The following SH3RF1 variants were observed in gnomAD, a reference collection of about 807,000 sequenced individuals.
SH3RF1 encodes the protein E3 ubiquitin-protein ligase SH3RF1.
A neutral mutation model predicts 74.0 loss-of-function variants in SH3RF1; 32 were observed. The ratio of observed to expected loss-of-function variants is 0.43; its 90% confidence interval spans 0.33 to 0.58. The LOEUF is 0.58. SH3RF1 is among the 20% of genes least tolerant of loss of function. The pLI, the probability that SH3RF1 is intolerant of heterozygous loss-of-function variation, is 0.05. For missense variants in SH3RF1, 954 were observed against 1,130.9 expected (o/e 0.84, Z 2.24); for synonymous variants, 396 against 439.6 (o/e 0.90, Z 1.24).
Position 169,116,544 on chromosome 4 carries a change from C to T in SH3RF1, c.1864G>A (p.Gly622Ser). 6.2e-7 allele frequency: 1 copy of T among 1,611,518 alleles called. No homozygotes were observed. Among genetic ancestry groups the T allele is most frequent in the Non-Finnish European group, 8.5e-7 (1 of 1,178,708 alleles). Residue 622 changes from glycine to serine, a missense_variant, in exon 10 of 12, where the codon GGC becomes AGC. Gly to Ser is a moderately conservative substitution (Grantham distance 56). Around this residue, in one of 3 missense-constraint regions of SH3RF1, gnomAD observed 854 missense variants for 962.5 expected, o/e 0.89. Coordinates refer to ENST00000284637, the MANE Select transcript of SH3RF1 (RefSeq NM_020870.4). ...NAAGLSPASV[G>S]LSHHSLASPQ... is the part of the protein sequence containing the mutation. ...GAGGCCAGCGAGTGATGGGACAGGCCCACAGATGCAGGGCTGAGGCCGGCG... is the reference window on the plus strand; with the variant it reads ...GAGGCCAGCGAGTGATGGGACAGGCTCACAGATGCAGGGCTGAGGCCGGCG...
At chr4:169,142,133 T>C (rs1453859825) in intron 4 of SH3RF1, among the ~76,000 whole-genome samples, 1 of 151,958 alleles carries the variant, frequency 6.6e-6, no homozygotes, top group East Asian at 1.9e-4. Context: ...TTGCAATTTT[T>C]TTAGTAGAGA....
At position 169,231,552 on chromosome 4, in the gene SH3RF1, C is replaced by T. The variant is rs577117389; in HGVS notation, c.393+37268G>A. 6.6e-5 allele frequency among the ~76,000 whole-genome samples: 10 copies of T among 151,418 alleles called. No homozygotes were observed. In the South Asian group the frequency reaches 1.0e-3, roughly 16 times the overall value. On this transcript the variant is annotated intron_variant, in intron 2 of 11. Transcript: ENST00000284637. ...CTGCTCTCCTGTCTGGGTGACACAG[C>T]GAGACTCCGTCTCAAAAAAAAAATT... is the stretch of plus-strand genomic sequence containing the variant.
intron 6 of SH3RF1, among the ~76,000 whole-genome samples, chr4:169,126,948 C>A (rs1353171301): frequency 1.3e-5 from 2 of 152,184 alleles, no homozygotes; most frequent in Non-Finnish European, 2.9e-5. Flanking sequence ...GTGGTATTTA[C>A]CTTTATTGAC....
intron 2 of SH3RF1, among the ~76,000 whole-genome samples, chr4:169,192,441 A>C (rs951520948): frequency 6.6e-6 from 1 of 152,200 alleles, no homozygotes; most frequent in Non-Finnish European, 1.5e-5. Context: ...ATGCGATACC[A>C]CCTTATTCCT....
intron 2 of SH3RF1, among the ~76,000 whole-genome samples, chr4:169,221,053 C>T (rs1730557769): frequency 6.6e-6 from 1 of 152,166 alleles, no homozygotes; most frequent in South Asian, 2.1e-4. Flanking sequence ...GTGAAAAGGT[C>T]TCAAGTAGTT....
At chr4:169,202,603 C>T (rs943931852) in intron 2 of SH3RF1, among the ~76,000 whole-genome samples, 2 of 152,200 alleles carry the variant, frequency 1.3e-5, no homozygotes, top group South Asian at 4.1e-4. Context: ...CCTCTGAAAA[C>T]ACAAGGGTAG....
Position 169,259,235 on chromosome 4 carries a change from A to C in SH3RF1, c.393+9585T>G, listed in dbSNP as rs907796745. On this transcript the variant is annotated intron_variant, in intron 2 of 11. Coordinates refer to ENST00000284637, the MANE Select transcript of SH3RF1 (RefSeq NM_020870.4). The stretch of plus-strand genomic sequence containing the variant: ...GAATTTATTTCCTTAGGCTAACAGA[A>C]AAATGCTCAACATTGACAGCCCTTG... 2.0e-5 allele frequency among the ~76,000 whole-genome samples: 3 copies of C among 152,234 alleles called. No homozygotes were observed. The East Asian group carries it at 5.8e-4, about 29-fold the overall frequency.
At chr4:169,249,489 T>A (rs1415023255) in intron 2 of SH3RF1, among the ~76,000 whole-genome samples, 2 of 152,232 alleles carry the variant, frequency 1.3e-5, no homozygotes, top group African/African-American at 4.8e-5. Context: ...AAATTTGGGG[T>A]ATATTTGTTT....
chr4:169,207,669 G>C (rs554248783), intron 2 of SH3RF1, among the ~76,000 whole-genome samples: 1 of 152,148 alleles, frequency 6.6e-6, no homozygotes, highest in Non-Finnish European at 1.5e-5. Context: ...TGGATGCTTC[G>C]AGCTTTGCTA....
chr4:169,162,443 A>C (rs1004161389), intron 2 of SH3RF1, among the ~76,000 whole-genome samples: 1 of 152,246 alleles, frequency 6.6e-6, no homozygotes, highest in African/African-American at 2.4e-5. Flanking sequence ...TGAGAATCCC[A>C]TAATTCCACA....
At chr4:169,142,179 C>T (rs1368336825) in intron 4 of SH3RF1, among the ~76,000 whole-genome samples, 1 of 151,854 alleles carries the variant, frequency 6.6e-6, no homozygotes, top group Non-Finnish European at 1.5e-5. Flanking sequence ...TGGCCTCAAA[C>T]TCCTGACCTC....
At chr4:169,146,287 T>C (rs1477393801) in intron 4 of SH3RF1, among the ~76,000 whole-genome samples, 1 of 149,358 alleles carries the variant, frequency 6.7e-6, no homozygotes, top group African/African-American at 2.5e-5. Flanking sequence ...TGCAGTGCAG[T>C]GGCGCTATCT....
intron 2 of SH3RF1, among the ~76,000 whole-genome samples, chr4:169,187,274 T>C (rs750796254): frequency 2.0e-5 from 3 of 152,152 alleles, no homozygotes; most frequent in Non-Finnish European, 4.4e-5. Flanking sequence ...TCTTGGCTCA[T>C]TGCAGCCTCC....
chr4:169,117,671 GAGCTTCTGGGCAGGCCCTCCTGC>G lies in SH3RF1; in HGVS notation c.1606_1628del (p.Ala536ProfsTer29). Reference sequence around the variant, plus strand: ...GACTCCCAGCCACGCCATTTCCCTGGAGCTTCTGGGCAGGCCCTCCTGCCGTGGAAGGACTGACCATGGTCACT... The same window carrying G: ...GACTCCCAGCCACGCCATTTCCCTGGCGTGGAAGGACTGACCATGGTCACT... On this transcript the variant is annotated frameshift_variant, in exon 9 of 12. Transcript: ENST00000284637. LOFTEE classifies it high-confidence loss of function. 6.2e-7 allele frequency: 1 copy of G among 1,614,144 alleles called. No individual in the cohort carries two copies. The highest frequency in any genetic ancestry group is 8.5e-7 in the Non-Finnish European group (1 of 1,180,020).
rs74459705 is a variant in SH3RF1 at position 169,128,263 on chromosome 4, T to C, written c.1179+1783A>G. Among the ~76,000 whole-genome samples, 756 of 152,232 alleles carry C rather than the reference T, an allele frequency of 5.0e-3. 5 individuals carry two copies. Among genetic ancestry groups the C allele is most frequent in the African/African-American group, 0.017 (691 of 41,512 alleles). On this transcript the variant is annotated intron_variant, in intron 6 of 11. Coordinates refer to ENST00000284637, the MANE Select transcript of SH3RF1 (RefSeq NM_020870.4). ...TGAGAGGTCATGATGGTTAAGGAAGTTGGCTCTGGTCAAATATCCAGGGCT... is the reference window on the plus strand; with the variant it reads ...TGAGAGGTCATGATGGTTAAGGAAGCTGGCTCTGGTCAAATATCCAGGGCT...
rs2127010619 is a variant in SH3RF1 at position 169,237,101 on chromosome 4, G to A, written c.393+31719C>T. ...AGATTCAACAGAAGGAGCCAAAAAT[G>A]TGGTGCCAACTGGCTGTGTGACATG... On this transcript the variant is annotated intron_variant, in intron 2 of 11. Transcript: ENST00000284637. Among the ~76,000 whole-genome samples, 2 of 152,306 alleles carry A rather than the reference G, an allele frequency of 1.3e-5. 1 individual carries two copies. Among genetic ancestry groups the A allele is most frequent in the South Asian group, 4.1e-4 (2 of 4,822 alleles).
intron 4 of SH3RF1, among the ~76,000 whole-genome samples, chr4:169,145,843 T>C (rs1733870890): frequency 7.6e-6 from 1 of 130,934 alleles, no homozygotes; most frequent in African/African-American, 3.1e-5. Context: ...ATATGTATTC[T>C]ATATATTATT....
chr4:169,122,192 G>A lies in SH3RF1; in HGVS notation c.1254C>T (p.Thr418=), dbSNP rs532234015. 1.7e-4 allele frequency: 277 copies of A among 1,613,572 alleles called. No individual in the cohort carries two copies. Among genetic ancestry groups the A allele is most frequent in the East Asian group, 4.7e-4 (21 of 44,876 alleles). The change falls in exon 7 of 12, where the codon ACC becomes ACT. Residue 418 remains threonine, a synonymous_variant. Transcript: ENST00000284637. ...CCATTCCAGCAGCAGCAGCAGCGGCGGTGGCGCCTGGTGGTGTGGAGGCAA... is the reference window on the plus strand; with the variant it reads ...CCATTCCAGCAGCAGCAGCAGCGGCAGTGGCGCCTGGTGGTGTGGAGGCAA... ...TVLASTPPGA[T]AAAAAAGMGP... is the part of the protein sequence containing the mutation.
At chr4:169,191,374 G>A (rs1174459853) in intron 2 of SH3RF1, among the ~76,000 whole-genome samples, 4 of 148,478 alleles carry the variant, frequency 2.7e-5, no homozygotes, top group African/African-American at 7.4e-5. Flanking sequence ...ACTACAAAAC[G>A]CTGCTAAAAG....
Sources: allele counts gnomAD v4.1 joint callset (sites outside exome capture counted in the v4.1 genomes callset), GRCh38; gene constraint gnomAD v4.1.1; regional missense constraint gnomAD v4.1.1; transcripts MANE v1.5; gene names NCBI Gene and HGNC (gene_info 2026-07-23, HGNC 2026-07-21).